Variants in USP9X observed in about 807,000 individuals in gnomAD.
USP9X encodes ubiquitin carboxyl-terminal hydrolase 9X.
In USP9X, 7 loss-of-function variants were observed where a neutral mutation model predicts 190.3. The ratio of observed to expected loss-of-function variants is 0.04; its 90% confidence interval spans 0.02 to 0.07. The LOEUF (loss-of-function observed/expected upper bound fraction) is 0.07. USP9X is among the 10% of genes least tolerant of loss of function. The pLI is 1.00. For missense variants in USP9X, 1,010 were observed against 1,916.9 expected, an observed-to-expected ratio of 0.53 and a Z score of 8.83; for synonymous variants, 645 against 659.5, an observed-to-expected ratio of 0.98 and a Z score of 0.34.
At chrX:41,133,379 A>G (rs1323501775) in intron 4 of USP9X, among the ~76,000 whole-genome samples, 2 of 111,631 alleles carry the variant, frequency 1.8e-5, no homozygotes, top group Non-Finnish European at 3.8e-5. Flanking sequence ...ATGGGTATAT[A>G]GTAGGTGTAT....
chrX:41,191,188 A>G (rs1387265188), intron 26 of USP9X, among the ~76,000 whole-genome samples: 1 of 109,514 alleles, frequency 9.1e-6, no homozygotes, highest in Non-Finnish European at 1.9e-5. Flanking sequence ...AATTAGTTGG[A>G]CATTGTGGTG....
chrX:41,214,091 A>G (rs2063189801), intron 33 of USP9X, among the ~76,000 whole-genome samples: 2 of 112,531 alleles, frequency 1.8e-5, no homozygotes, highest in Non-Finnish European at 3.8e-5. Flanking sequence ...TTGTGTGTGC[A>G]AACTTTTGCT....
chrX:41,085,747 C>G lies in USP9X; in HGVS notation c.-521C>G. ...AGGCGGCGACTAGGGGAAGGTGAAGCCGTCGCTGCAGGAGGAGGAGCAGGA... is the reference window on the plus strand; with the variant it reads ...AGGCGGCGACTAGGGGAAGGTGAAGGCGTCGCTGCAGGAGGAGGAGCAGGA... On this transcript the variant is annotated 5_prime_UTR_variant, in exon 1 of 45. Transcript: ENST00000378308. 3.3e-6 allele frequency: 1 copy of G among 299,024 alleles called. No individual in the cohort carries two copies. Among genetic ancestry groups the G allele is most frequent in the Non-Finnish European group, 5.8e-6 (1 of 171,348 alleles). The allele number at this position is 299,024 out of a possible 1,213,427, so 24.6% of individuals were successfully genotyped here.
At chrX:41,197,341 A>AGGG in intron 28 of USP9X, 23 bp from the exon 29 acceptor site, 10 of 288,742 alleles carry the variant, frequency 3.5e-5, no homozygotes, top group African/African-American at 1.2e-4. Context: ...TCCCCCCCCC[A>AGGG]CCCCACCCCC....
At chrX:41,208,027 C>T (rs1395369321) in intron 32 of USP9X, among the ~76,000 whole-genome samples, 3 of 108,722 alleles carry the variant, frequency 2.8e-5, no homozygotes, top group African/African-American at 1.0e-4. Flanking sequence ...CAAACAGAGG[C>T]TTATACTGGG....
intron 4 of USP9X, among the ~76,000 whole-genome samples, chrX:41,132,409 T>C (rs996470981): frequency 9.4e-6 from 1 of 105,935 alleles, no homozygotes; most frequent in Non-Finnish European, 1.9e-5. Flanking sequence ...GTTCAAGCGA[T>C]TCTCCTGCCT....
intron 26 of USP9X, among the ~76,000 whole-genome samples, chrX:41,193,014 G>A (rs1160585961): frequency 9.0e-6 from 1 of 111,427 alleles, no homozygotes; most frequent in Non-Finnish European, 1.9e-5. Context: ...AATAATCCAT[G>A]TGACTCATGG....
intron 1 of USP9X, among the ~76,000 whole-genome samples, chrX:41,116,052 G>A (rs779725889): frequency 1.4e-4 from 16 of 112,118 alleles, no homozygotes; most frequent in East Asian, 5.6e-4. Flanking sequence ...ACTTAATGCA[G>A]TCCAGCCTTT....
rs2061906426 is a variant in USP9X, at chrX:41,085,934, G to A, written c.-334G>A. ...GGCGCCGGTGTGCAGCCTTTTGGTT[G>A]AGACGCCCGCAGCCCCGAGCCCGGC... is the stretch of plus-strand genomic sequence containing the variant. On this transcript the variant is annotated 5_prime_UTR_variant, in exon 1 of 45. Coordinates refer to ENST00000378308, the MANE Select transcript of USP9X (RefSeq NM_001039591.3). The A allele has an allele frequency of 6.8e-6, 2 of 296,076 alleles. No individual in the cohort carries two copies. Among genetic ancestry groups the A allele is most frequent in the Non-Finnish European group, 1.2e-5 (2 of 170,100 alleles). The allele number at this position is 296,076 out of a possible 1,213,427, so 24.4% of individuals were successfully genotyped here.
At position 41,195,347 on chromosome X, in the gene USP9X, T is replaced by C. The variant is rs1315776312; in HGVS notation, c.3978-904T>C. 2.7e-5 allele frequency among the ~76,000 whole-genome samples: 3 copies of C among 111,531 alleles called. No homozygotes were observed. In the East Asian group the frequency reaches 8.4e-4, roughly 31 times the overall value. On this transcript the variant is annotated intron_variant, in intron 26 of 44. Transcript: ENST00000378308. Reference sequence around the variant, plus strand: ...ACCGCACCCAGCCTGTGGTTCTCAATGTTTAGTGCACATCAGATTGACCTA... The same window carrying C: ...ACCGCACCCAGCCTGTGGTTCTCAACGTTTAGTGCACATCAGATTGACCTA...
intron 30 of USP9X, 126 bp downstream of exon 30, chrX:41,198,876 T>C (rs1398458253): frequency 1.3e-5 from 9 of 675,208 alleles, no homozygotes; most frequent in Non-Finnish European, 1.7e-5. Context: ...ACATTTTTAG[T>C]GAGTGAATGA....
intron 1 of USP9X, among the ~76,000 whole-genome samples, chrX:41,099,961 C>G (rs898008110): frequency 4.5e-5 from 5 of 112,027 alleles, no homozygotes; most frequent in African/African-American, 1.6e-4. Context: ...AAGGAAAAAT[C>G]AAACATACAC....
At chrX:41,173,080 A>G (rs1317449469) in intron 21 of USP9X, among the ~76,000 whole-genome samples, 1 of 111,443 alleles carries the variant, frequency 9.0e-6, no homozygotes, top group African/African-American at 3.3e-5. Context: ...TGAAATGTCT[A>G]AGTGTGATGG....
At chrX:41,088,440 C>T (rs1267080739) in intron 1 of USP9X, among the ~76,000 whole-genome samples, 3 of 112,115 alleles carry the variant, frequency 2.7e-5, no homozygotes, top group African/African-American at 9.7e-5. Flanking sequence ...TCATCCAGTT[C>T]TTGATTAGTT....
chrX:41,203,150 A>T (rs1330254434), intron 31 of USP9X, among the ~76,000 whole-genome samples: 1 of 111,063 alleles, frequency 9.0e-6, no homozygotes, highest in Non-Finnish European at 1.9e-5. Flanking sequence ...TCTTCATGTT[A>T]CATCTTACAC....
intron 11 of USP9X, among the ~76,000 whole-genome samples, chrX:41,147,179 T>G (rs1451681015): frequency 9.0e-6 from 1 of 110,617 alleles, no homozygotes; most frequent in Non-Finnish European, 1.9e-5. Context: ...CAGAAGGTTT[T>G]TTTTTTTTTT....
chrX:41,171,858 A>G lies in USP9X; in HGVS notation c.3048A>G (p.Arg1016=), dbSNP rs1340593778. ...TCTAGATAATGTCACTGCATCCCAG[A>G]TACATCTCTTTTCTTTGGCAAGTTG... ...LPGVIMSLHP[R]YISFLWQVAD... The change falls in exon 21 of 45, where the codon AGA becomes AGG. Residue 1016 remains arginine, a synonymous_variant. Coordinates refer to ENST00000378308, the MANE Select transcript of USP9X (RefSeq NM_001039591.3). The G allele has an allele frequency of 8.3e-7, 1 of 1,210,681 alleles. No individual in the cohort carries two copies. Among genetic ancestry groups the G allele is most frequent in the South Asian group, 1.8e-5 (1 of 56,913 alleles).
chrX:41,189,377 C>T lies in USP9X; in HGVS notation c.3879C>T (p.Thr1293=), dbSNP rs1057469038. 32 of 1,209,973 alleles carry T rather than the reference C, an allele frequency of 2.6e-5. No homozygotes were observed. The highest frequency in any genetic ancestry group is 3.5e-5 in the Non-Finnish European group (31 of 894,775). ...QVCCEALEVM[T]LCFALIPTAL... is the part of the protein sequence containing the mutation. ...GCTGTGAAGCATTGGAAGTGATGACCTTATGTTTTGCCTTGATTCCAACAG... is the reference window on the plus strand; with the variant it reads ...GCTGTGAAGCATTGGAAGTGATGACTTTATGTTTTGCCTTGATTCCAACAG... Residue 1293 remains threonine (T), a synonymous_variant, in exon 26 of 45, where the codon ACC becomes ACT. Transcript: ENST00000378308.
chrX:41,206,809 G>T (rs1170291079), intron 32 of USP9X, among the ~76,000 whole-genome samples: 1 of 107,173 alleles, frequency 9.3e-6, no homozygotes, highest in Non-Finnish European at 1.9e-5. Context: ...TGGAGTCTTT[G>T]CTCTGTCGCC....
Sources: allele counts gnomAD v4.1 joint callset (sites outside exome capture counted in the v4.1 genomes callset), GRCh38; gene constraint gnomAD v4.1.1; transcripts MANE v1.5; gene names NCBI Gene and HGNC (gene_info 2026-07-23, HGNC 2026-07-21).